Variants in PCDHGB3 observed in about 807,000 individuals in gnomAD.
PCDHGB3 encodes the protein protocadherin gamma-B3.
Under a neutral mutation model 59.2 loss-of-function variants are expected in PCDHGB3, and 40 were observed. That is an observed-to-expected ratio of 0.68 (90% confidence interval 0.52 to 0.88). The LOEUF (loss-of-function observed/expected upper bound fraction) is 0.88. PCDHGB3 is among the 40% of genes least tolerant of loss of function. The pLI, the probability that PCDHGB3 is intolerant of heterozygous loss-of-function variation, is 0.00. For missense variants in PCDHGB3, 1,309 were observed against 1,187.9 expected (o/e 1.10, Z -1.50); for synonymous variants, 581 against 503.6 (o/e 1.15, Z -2.06).
At chr5:141,447,032 C>A (rs1412709585) in intron 1 of PCDHGB3, among the ~76,000 whole-genome samples, 1 of 149,498 alleles carries the variant, frequency 6.7e-6, no homozygotes, top group Admixed American at 6.6e-5. Context: ...TGTTTTTTTT[C>A]TGTGTCTGGA....
At chr5:141,389,816 G>T (rs1359127304) in intron 1 of PCDHGB3, 7 of 1,613,776 alleles carry the variant, frequency 4.3e-6, no homozygotes, top group Non-Finnish European at 5.9e-6. Context: ...TGGTCGCCGT[G>T]CGTGACGGTG....
At position 141,489,644 on chromosome 5, in the gene PCDHGB3, C is replaced by T. The variant is rs1244782345; in HGVS notation, c.2416-5163C>T. 11 of 1,614,070 alleles carry T rather than the reference C, an allele frequency of 6.8e-6. No individual in the cohort carries two copies. The Admixed American group carries it at 1.8e-4, about 27-fold the overall frequency. ...AATGACAACTCTCCTAGCTTTGCCA[C>T]CCCTGAGCGAGAGATGCGCATCTCA... is the stretch of plus-strand genomic sequence containing the variant. On this transcript the variant is annotated intron_variant, in intron 1 of 3. Coordinates refer to ENST00000576222, the MANE Select transcript of PCDHGB3 (RefSeq NM_018924.5). The surrounding 1 kb of genome is among the most constrained non-coding windows in gnomAD (Gnocchi z 4.5).
In PCDHGB3 at chr5:141,490,658, T is replaced by A. The variant is rs776806248; in HGVS notation, c.2416-4149T>A. The A allele has an allele frequency of 8.1e-6, 13 of 1,614,204 alleles. No homozygotes were observed. The South Asian group carries it at 1.4e-4, about 18-fold the overall frequency. ...GAAAACCGGCCTCCGGGCTCCCTTC[T>A]TTGCACTGTGGCTGCCTCAGATCCA... On this transcript the variant is annotated intron_variant, in intron 1 of 3. Transcript: ENST00000576222. The surrounding 1 kb of genome is among the most constrained non-coding windows in gnomAD (Gnocchi z 5.4).
At position 141,489,108 on chromosome 5, in the gene PCDHGB3, A is replaced by C; in HGVS notation, c.2416-5699A>C. The C allele has an allele frequency of 2.0e-6, 1 of 489,086 alleles. No individual in the cohort carries two copies. The highest frequency in any genetic ancestry group is 3.5e-6 in the Non-Finnish European group (1 of 287,626). 30.3% of individuals were successfully genotyped at this position (489,086 alleles called of 1,614,324 possible). On this transcript the variant is annotated intron_variant, in intron 1 of 3. Transcript: ENST00000576222. This position sits in a 1 kb window ranked among gnomAD's most constrained non-coding sequence, Gnocchi z 4.5. The stretch of plus-strand genomic sequence containing the variant: ...TCGGTGACTAAGAACTGCTGCAAGC[A>C]GGCAAACCTCCGAGCAGTTTTTAAG...
intron 1 of PCDHGB3, chr5:141,378,047 TC>T (rs1257560476): frequency 1.3e-5 from 2 of 152,202 alleles, no homozygotes; most frequent in Non-Finnish European, 2.9e-5. Flanking sequence ...ACTTTCCTTA[TC>T]TATCTGACTC....
At chr5:141,419,570 G>T in intron 1 of PCDHGB3, 1 of 1,611,766 alleles carries the variant, frequency 6.2e-7, no homozygotes. Context: ...GGGTCCCGAC[G>T]GCTCCGCGCT....
At chr5:141,506,930 T>C (rs2099857287) in intron 3 of PCDHGB3, among the ~76,000 whole-genome samples, 1 of 152,150 alleles carries the variant, frequency 6.6e-6, no homozygotes, top group African/African-American at 2.4e-5. Context: ...AAACAAACTT[T>C]AGGGGCCTCC....
chr5:141,399,807 C>T, intron 1 of PCDHGB3: 1 of 1,613,222 alleles, frequency 6.2e-7, no homozygotes, highest in Non-Finnish European at 8.5e-7. Context: ...GGGTGCTGTA[C>T]CCCGCGCTGG....
intron 1 of PCDHGB3, among the ~76,000 whole-genome samples, chr5:141,460,344 A>G (rs930557610): frequency 7.2e-5 from 11 of 152,060 alleles, no homozygotes; most frequent in African/African-American, 2.2e-4. Context: ...ATTTTCTCCT[A>G]TATTTTCTTT....
chr5:141,415,332 G>A (rs758125316), intron 1 of PCDHGB3: 1 of 1,614,214 alleles, frequency 6.2e-7, no homozygotes, highest in South Asian at 1.1e-5. Context: ...TGGCGCACAG[G>A]CTGCGGCGCT....
chr5:141,489,942 C>T lies in PCDHGB3; in HGVS notation c.2416-4865C>T. On this transcript the variant is annotated intron_variant, in intron 1 of 3. Transcript: ENST00000576222. The surrounding 1 kb of genome is among the most constrained non-coding windows in gnomAD (Gnocchi z 4.5). ...CCCTTATCTCTGTCATCGTGCTGGA[C>T]ATCAATGATAATGCTCCAACCTTCC... 2 of 1,614,170 alleles carry T rather than the reference C, an allele frequency of 1.2e-6. No homozygotes were observed. The highest frequency in any genetic ancestry group is 1.7e-6 in the Non-Finnish European group (2 of 1,179,984).
At chr5:141,415,306 T>G (rs2095852502) in intron 1 of PCDHGB3, 2 of 1,614,222 alleles carry the variant, frequency 1.2e-6, no homozygotes, top group Non-Finnish European at 8.5e-7. Context: ...CTTCCTGGCC[T>G]TCGTCATCGT....
In PCDHGB3 at chr5:141,477,229, C is replaced by G. The variant is rs1376731101; in HGVS notation, c.2416-17578C>G. The G allele has an allele frequency of 6.2e-7, 1 of 1,614,222 alleles. No homozygotes were observed. The highest frequency in any genetic ancestry group is 8.5e-7 in the Non-Finnish European group (1 of 1,180,052). On this transcript the variant is annotated intron_variant, in intron 1 of 3. Transcript: ENST00000576222. This position sits in a 1 kb window ranked among gnomAD's most constrained non-coding sequence, Gnocchi z 4.9. ...AGGATGCCCCTCTGGGGACTGTCAT[C>G]GCTTTGCTCAGTGTGACTGACCTGG...
In PCDHGB3 at chr5:141,398,254, A is replaced by G. The variant is rs868152545; in HGVS notation, c.2415+25445A>G. 5.5e-6 allele frequency: 8 copies of G among 1,465,970 alleles called. No homozygotes were observed. In the African/African-American group the frequency reaches 8.6e-5, roughly 16 times the overall value. The allele number at this position is 1,465,970 out of a possible 1,614,324, so 90.8% of individuals were successfully genotyped here. On this transcript the variant is annotated intron_variant, in intron 1 of 3. Transcript: ENST00000576222. ...CTACAGGATTCCCGAGGAAATGCCC[A>G]AGGGCTCCGTAGTGGGGAACCTCGC... is the stretch of plus-strand genomic sequence containing the variant.
rs148798222 is a variant in PCDHGB3, at chr5:141,432,106, G to A, written c.2415+59297G>A. On this transcript the variant is annotated intron_variant, in intron 1 of 3. Coordinates refer to ENST00000576222, the MANE Select transcript of PCDHGB3 (RefSeq NM_018924.5). This position sits in a 1 kb window ranked among gnomAD's most constrained non-coding sequence, Gnocchi z 6.0. The stretch of plus-strand genomic sequence containing the variant: ...ACGTGGCAGACACCAACGACAACCC[G>A]CCGGTCTTCCCTCAGGCCTCCTATT... 4 of 1,614,068 alleles carry A rather than the reference G, an allele frequency of 2.5e-6. No homozygotes were observed. Among genetic ancestry groups the A allele is most frequent in the Non-Finnish European group, 3.4e-6 (4 of 1,180,020 alleles).
intron 1 of PCDHGB3, chr5:141,375,556 G>A (rs750283278): frequency 2.9e-5 from 47 of 1,614,044 alleles, no homozygotes; most frequent in Non-Finnish European, 4.0e-5. Context: ...CCTACTCACT[G>A]GCAGAAGACA....
Position 141,477,872 on chromosome 5 carries a change from G to A in PCDHGB3, c.2416-16935G>A. The stretch of plus-strand genomic sequence containing the variant: ...GGAGATGCTGCCTCGAGGTACCTCA[G>A]CTGGCCACCTAGTGTCACGGGTGGT... On this transcript the variant is annotated intron_variant, in intron 1 of 3. Coordinates refer to ENST00000576222, the MANE Select transcript of PCDHGB3 (RefSeq NM_018924.5). This position sits in a 1 kb window ranked among gnomAD's most constrained non-coding sequence, Gnocchi z 4.9. The A allele has an allele frequency of 6.2e-7, 1 of 1,614,180 alleles. No individual in the cohort carries two copies. Among genetic ancestry groups the A allele is most frequent in the African/African-American group, 1.3e-5 (1 of 75,058 alleles).
intron 1 of PCDHGB3, among the ~76,000 whole-genome samples, chr5:141,467,727 T>C (rs1562013145): frequency 6.6e-6 from 1 of 152,046 alleles, no homozygotes; most frequent in African/African-American, 2.4e-5. Flanking sequence ...AGTGGCACAA[T>C]CCCAGCTCGC....
At chr5:141,418,136 G>C (rs1218707482) in intron 1 of PCDHGB3, 15 of 1,613,984 alleles carry the variant, frequency 9.3e-6, no homozygotes, top group Non-Finnish European at 1.1e-5. Flanking sequence ...AATAGACCGT[G>C]AGCAAATATG....
Sources: allele counts gnomAD v4.1 joint callset (sites outside exome capture counted in the v4.1 genomes callset), GRCh38; gene constraint gnomAD v4.1.1; non-coding constraint Gnocchi (gnomAD v3.1); transcripts MANE v1.5; gene names NCBI Gene and HGNC (gene_info 2026-07-23, HGNC 2026-07-21).